GJB7: variants seen among roughly 807,000 people sequenced by gnomAD.
GJB7 encodes the protein gap junction beta-7 protein.
For missense variants in GJB7, 253 were observed against 256.8 expected, an observed-to-expected ratio of 0.99 and a Z score of 0.10; for synonymous variants, 87 against 95.2, an observed-to-expected ratio of 0.91 and a Z score of 0.50.
rs1216198677 is a variant in GJB7 at position 87,283,159 on chromosome 6, A to G, written c.*1082T>C. 6.6e-6 allele frequency: 1 copy of G among 152,236 alleles called. No individual in the cohort carries two copies. The highest frequency in any genetic ancestry group is 1.5e-5 in the Non-Finnish European group (1 of 68,040). 9.4% of individuals were successfully genotyped at this position (152,236 alleles called of 1,614,324 possible). On this transcript the variant is annotated 3_prime_UTR_variant, in exon 3 of 3. Coordinates refer to ENST00000525899, the MANE Select transcript of GJB7 (RefSeq NM_198568.3). Reference sequence around the variant, plus strand: ...GCACCACTGTAACAACATAGTACACATTTTACTATCTGTCCTAGAGGGAGA... The same window carrying G: ...GCACCACTGTAACAACATAGTACACGTTTTACTATCTGTCCTAGAGGGAGA...
intron 1 of GJB7, among the ~76,000 whole-genome samples, 177 bp from the exon 2 acceptor site, chr6:87,323,220 C>A: frequency 6.6e-6 from 1 of 152,150 alleles, no homozygotes; most frequent in Admixed American, 6.5e-5. Flanking sequence ...CCCCTTTTTT[C>A]AGAGACAGTA....
At chr6:87,310,226 G>A (rs1341081254) in intron 2 of GJB7, among the ~76,000 whole-genome samples, 1 of 152,054 alleles carries the variant, frequency 6.6e-6, no homozygotes, top group Non-Finnish European at 1.5e-5. Flanking sequence ...ATATAACAAA[G>A]AAGAATATCT....
At chr6:87,287,230 C>CTT (rs904767930) in intron 2 of GJB7, among the ~76,000 whole-genome samples, 1 of 152,212 alleles carries the variant, frequency 6.6e-6, no homozygotes, top group Non-Finnish European at 1.5e-5. Context: ...CAGGTGAAAA[C>CTT]TTTGCCTTTT....
At chr6:87,311,283 A>G (rs1355961517) in intron 2 of GJB7, among the ~76,000 whole-genome samples, 2 of 152,226 alleles carry the variant, frequency 1.3e-5, no homozygotes, top group African/African-American at 4.8e-5. Context: ...TGACTTAGCA[A>G]TTCCAATCCC....
intron 2 of GJB7, among the ~76,000 whole-genome samples, chr6:87,298,227 T>G (rs1776273083): frequency 6.6e-6 from 1 of 152,214 alleles, no homozygotes; most frequent in Non-Finnish European, 1.5e-5. Flanking sequence ...CCAGTGTAAC[T>G]GGGGATTGTG....
intron 2 of GJB7, among the ~76,000 whole-genome samples, chr6:87,288,687 C>G (rs1582553506): frequency 6.6e-6 from 1 of 152,338 alleles, no homozygotes; most frequent in East Asian, 1.9e-4. Context: ...ACCATCCGCC[C>G]AAGTGTTGAA....
intron 2 of GJB7, among the ~76,000 whole-genome samples, chr6:87,287,466 G>C (rs911908425): frequency 6.6e-6 from 1 of 152,192 alleles, no homozygotes; most frequent in Admixed American, 6.5e-5. Flanking sequence ...TGAAGGCTAA[G>C]AGGTATTTTC....
intron 1 of GJB7, among the ~76,000 whole-genome samples, chr6:87,326,063 T>G (rs953214748): frequency 4.6e-5 from 7 of 152,238 alleles, no homozygotes; most frequent in Non-Finnish European, 4.4e-5. Flanking sequence ...TAGAGCTGTT[T>G]GTAGTATTCT....
intron 2 of GJB7, among the ~76,000 whole-genome samples, chr6:87,321,302 G>C (rs1249121439): frequency 1.3e-5 from 2 of 151,522 alleles, no homozygotes; most frequent in Non-Finnish European, 2.9e-5. Flanking sequence ...ACAAGAGACA[G>C]CTTTGCGAGG....
chr6:87,321,286 T>A (rs1033617552), intron 2 of GJB7, among the ~76,000 whole-genome samples: 1 of 151,844 alleles, frequency 6.6e-6, no homozygotes. Flanking sequence ...ATGTAAGTTT[T>A]CCCCAACAAG....
rs1313429312 is a variant in GJB7 at position 87,284,527 on chromosome 6, A to G, written c.386T>C (p.Ile129Thr). ...GLWYAYLISLIVKTGFEIGFL... is the reference protein window; with the variant it reads ...GLWYAYLISLTVKTGFEIGFL... ...GCCAATTTCAAAACCAGTTTTAACA[A>G]TGAGGCTGATAAGATAAGCGTACCA... The change falls in exon 3 of 3, where the codon ATT becomes ACT. Residue 129 changes from isoleucine (I) to threonine (T), a missense_variant. Transcript: ENST00000525899. The G allele has an allele frequency of 6.2e-7, 1 of 1,614,196 alleles. No individual in the cohort carries two copies. The highest frequency in any genetic ancestry group is 8.5e-7 in the Non-Finnish European group (1 of 1,180,022).
chr6:87,306,074 C>G (rs1347605804), intron 2 of GJB7, among the ~76,000 whole-genome samples: 1 of 151,776 alleles, frequency 6.6e-6, no homozygotes, highest in Non-Finnish European at 1.5e-5. Flanking sequence ...CATAAAAACC[C>G]TAGAAGAAAA....
At chr6:87,300,419 C>G (rs1226274354) in intron 2 of GJB7, 5 of 247,108 alleles carry the variant, frequency 2.0e-5, no homozygotes, top group African/African-American at 1.1e-4. Context: ...GGAATGGGTG[C>G]AGTGGGTGGA....
intron 2 of GJB7, among the ~76,000 whole-genome samples, chr6:87,311,143 G>C (rs553975989): frequency 6.6e-6 from 1 of 152,284 alleles, no homozygotes. Flanking sequence ...ATACCAAAAA[G>C]ACTGACACTA....
At chr6:87,321,307 G>T (rs1658860408) in intron 2 of GJB7, among the ~76,000 whole-genome samples, 1 of 151,502 alleles carries the variant, frequency 6.6e-6, no homozygotes, top group Non-Finnish European at 1.5e-5. Context: ...AGACAGCTTT[G>T]CGAGGCCATT....
intron 2 of GJB7, among the ~76,000 whole-genome samples, chr6:87,298,579 A>G (rs1438055544): frequency 6.6e-6 from 1 of 152,230 alleles, no homozygotes; most frequent in Non-Finnish European, 1.5e-5. Context: ...TCTGTGTCTC[A>G]GAAGCTAAAA....
chr6:87,313,669 C>T (rs114420483), intron 2 of GJB7, among the ~76,000 whole-genome samples: 2,328 of 152,276 alleles, frequency 0.015, 62 homozygotes, highest in African/African-American at 0.052. Context: ...AAATATCACA[C>T]GTCTCTCTCC....
intron 2 of GJB7, among the ~76,000 whole-genome samples, chr6:87,302,930 GC>G (rs1776358176): frequency 6.6e-6 from 1 of 152,170 alleles, no homozygotes; most frequent in Non-Finnish European, 1.5e-5. Flanking sequence ...GCCAAACTAA[GC>G]TTCATAAGTG....
At chr6:87,315,844 C>T (rs1285453162) in intron 2 of GJB7, among the ~76,000 whole-genome samples, 1 of 148,842 alleles carries the variant, frequency 6.7e-6, no homozygotes, top group Admixed American at 6.7e-5. Context: ...AGAATGGAGA[C>T]ATGAGACAAG....
Sources: allele counts gnomAD v4.1 joint callset (sites outside exome capture counted in the v4.1 genomes callset), GRCh38; gene constraint gnomAD v4.1.1; transcripts MANE v1.5; gene names NCBI Gene and HGNC (gene_info 2026-07-23, HGNC 2026-07-21).